The following SCN4A variants were observed in gnomAD, a reference collection of about 807,000 sequenced individuals.
The protein encoded by SCN4A is sodium voltage-gated channel alpha subunit 4.
SCN4A carries 83 observed loss-of-function variants against 162.0 expected under a neutral mutation model. That is an observed-to-expected ratio of 0.51 (90% CI 0.43 to 0.61). The LOEUF (loss-of-function observed/expected upper bound fraction) is 0.61, where lower values mean the gene tolerates loss of function less well. Among genes scored for constraint, SCN4A ranks in the 20% least tolerant of loss-of-function variants. The pLI is 0.00. For synonymous variants in SCN4A, 944 were observed against 985.1 expected (o/e 0.96, Z 0.78); for missense variants, 2,196 against 2,462.5 (o/e 0.89, Z 2.29).
chr17:63,971,119 G>A, intron 5 of SCN4A, 43 bp downstream of exon 5: 1 of 1,280,548 alleles, frequency 7.8e-7, no homozygotes, highest in Non-Finnish European at 1.1e-6. Flanking sequence ...ATGGTACGGG[G>A]GTCTCTCAGC....
intron 22 of SCN4A, 129 bp from the exon 23 acceptor site, chr17:63,943,225 A>G (rs1399930096): frequency 9.2e-7 from 1 of 1,084,346 alleles, no homozygotes; most frequent in East Asian, 2.4e-5. Context: ...AGAGAGAGAG[A>G]GAGAGAGAGA....
rs760518441 is a variant in SCN4A, at chr17:63,968,202, G to A, written c.857C>T (p.Pro286Leu). The A allele has an allele frequency of 5.4e-5, 87 of 1,613,852 alleles. No homozygotes were observed. Among genetic ancestry groups the A allele is most frequent in the Non-Finnish European group, 7.2e-5 (85 of 1,179,904 alleles). The change falls in exon 6 of 24, where the codon CCG becomes CTG. Residue 286 changes from proline (P) to leucine (L), a missense_variant. Coordinates refer to ENST00000435607, the MANE Select transcript of SCN4A (RefSeq NM_000334.4). ...LRQKCVRWPP[P>L]FNDTNTTWYS... ...CCACGTGGTGTTGGTGTCGTTGAAC[G>A]GCGGGGGCCAGCGCACACACTTCTG...
At position 63,944,569 on chromosome 17, in the gene SCN4A, G is replaced by T; in HGVS notation, c.3912+104C>A. On this transcript the variant is annotated intron_variant, in intron 21 of 23. Coordinates refer to ENST00000435607, the MANE Select transcript of SCN4A (RefSeq NM_000334.4). The surrounding 1 kb of genome is among the most constrained non-coding windows in gnomAD (Gnocchi z 4.3). ...AGCTGCCTGAACCAACAACCTGGTA[G>T]GTGCTCAGGCAGCGTTTGTGGGTTT... The T allele has an allele frequency of 7.7e-7, 1 of 1,299,062 alleles. No individual in the cohort carries two copies. The highest frequency in any genetic ancestry group is 1.1e-6 in the Non-Finnish European group (1 of 945,722). 80.5% of individuals were successfully genotyped at this position (1,299,062 alleles called of 1,614,324 possible).
intron 23 of SCN4A, 22 bp downstream of exon 23, chr17:63,942,804 C>G: frequency 1.2e-6 from 2 of 1,606,630 alleles, no homozygotes; most frequent in Non-Finnish European, 1.7e-6. Context: ...GCTGCCCTGC[C>G]GGTCCAGCCC....
At chr17:63,948,807 G>A in intron 15 of SCN4A, 42 bp from the exon 16 acceptor site, 1 of 1,546,408 alleles carries the variant, frequency 6.5e-7, no homozygotes, top group Non-Finnish European at 8.8e-7. Flanking sequence ...CCACATCATG[G>A]GCCTGGGGTT....
intron 18 of SCN4A, among the ~76,000 whole-genome samples, chr17:63,946,225 G>T (rs937006213): frequency 6.6e-6 from 1 of 152,192 alleles, no homozygotes; most frequent in African/African-American, 2.4e-5. Flanking sequence ...GGGGAGCTCT[G>T]TTCCTGGTTG....
chr17:63,945,133 C>T lies in SCN4A; in HGVS notation c.3721-73G>A, dbSNP rs746340600. 1.3e-6 allele frequency: 2 copies of T among 1,499,254 alleles called. No homozygotes were observed. The highest frequency in any genetic ancestry group is 1.2e-5 in the South Asian group (1 of 85,244). 92.9% of individuals were successfully genotyped at this position (1,499,254 alleles called of 1,614,324 possible). A position where few individuals can be genotyped will look rare whatever the true frequency, so the allele number is the denominator to read the frequency against. On this transcript the variant is annotated intron_variant, in intron 19 of 23. Transcript: ENST00000435607. The surrounding 1 kb of genome is among the most constrained non-coding windows in gnomAD (Gnocchi z 4.4). ...TCATCATCCATGAGTTTCCCTCCCCCACCCAACCTGGTCCTCCCCTGCCAG... is the reference window on the plus strand; with the variant it reads ...TCATCATCCATGAGTTTCCCTCCCCTACCCAACCTGGTCCTCCCCTGCCAG...
At position 63,972,488 on chromosome 17, in the gene SCN4A, CTG is replaced by C. The variant is rs1230300916; in HGVS notation, c.274-20_274-19del. 2 of 1,611,774 alleles carry C rather than the reference CTG, an allele frequency of 1.2e-6. No individual in the cohort carries two copies. Among genetic ancestry groups the C allele is most frequent in the African/African-American group, 1.3e-5 (1 of 74,856 alleles). On this transcript the variant is annotated intron_variant, in intron 1 of 23. Transcript: ENST00000435607. The surrounding 1 kb of genome is among the most constrained non-coding windows in gnomAD (Gnocchi z 4.3). ...ATGAAGGTCTAAGGTGGGAGAGAGG[CTG>C]TGAGACCCAGGGACAGACAGACAGG... is the stretch of plus-strand genomic sequence containing the variant.
At position 63,945,273 on chromosome 17, in the gene SCN4A, G is replaced by C. The variant is rs1343771479; in HGVS notation, c.3720+87C>G. Reference sequence around the variant, plus strand: ...AGGGTGGGCGGTCCCCTAACCAGGAGTGACACTGGGGTTGGGTACAACGAG... The same window carrying C: ...AGGGTGGGCGGTCCCCTAACCAGGACTGACACTGGGGTTGGGTACAACGAG... On this transcript the variant is annotated intron_variant, in intron 19 of 23. Coordinates refer to ENST00000435607, the MANE Select transcript of SCN4A (RefSeq NM_000334.4). This position sits in a 1 kb window ranked among gnomAD's most constrained non-coding sequence, Gnocchi z 4.4. The C allele has an allele frequency of 2.4e-6, 3 of 1,245,122 alleles. No homozygotes were observed. In the East Asian group the frequency reaches 7.2e-5, roughly 30 times the overall value. The allele number at this position is 1,245,122 out of a possible 1,614,324, so 77.1% of individuals were successfully genotyped here.
Position 63,972,507 on chromosome 17 carries a change from A to G in SCN4A, c.274-37T>C. The G allele has an allele frequency of 6.2e-7, 1 of 1,608,390 alleles. No individual in the cohort carries two copies. Among genetic ancestry groups the G allele is most frequent in the Non-Finnish European group, 8.5e-7 (1 of 1,177,130 alleles). On this transcript the variant is annotated intron_variant, in intron 1 of 23. Transcript: ENST00000435607. The surrounding 1 kb of genome is among the most constrained non-coding windows in gnomAD (Gnocchi z 4.3). ...GAGAGGCTGTGAGACCCAGGGACAG[A>G]CAGACAGGCAGACAGATGGATGGAT...
chr17:63,963,623 G>T (rs762068821), intron 10 of SCN4A, 49 bp downstream of exon 10: 2 of 1,485,282 alleles, frequency 1.3e-6, no homozygotes, highest in East Asian at 4.9e-5. Context: ...ATCCAGTCCA[G>T]CCAGGCTCCA....
rs1157823120 is a variant in SCN4A, at chr17:63,964,650, T to C, written c.1270A>G (p.Met424Val). ...LTLRAAGKTY[M>V]IFFVVIIFLG... ...AAGATGATGACCACGAAGAAGATCA[T>C]GTAGGTCTTGCCAGCTGCTCGAAGG... Residue 424 changes from methionine to valine, a missense_variant, in exon 9 of 24, where the codon ATG (methionine) becomes GTG (valine). Met to Val is a conservative substitution (Grantham distance 21, BLOSUM62 1). Coordinates refer to ENST00000435607, the MANE Select transcript of SCN4A (RefSeq NM_000334.4). 6.2e-7 allele frequency: 1 copy of C among 1,610,482 alleles called. No homozygotes were observed. Among genetic ancestry groups the C allele is most frequent in the Non-Finnish European group, 8.5e-7 (1 of 1,178,806 alleles).
chr17:63,972,720 C>T lies in SCN4A; in HGVS notation c.122G>A (p.Arg41Gln), dbSNP rs770640835. ...RAVEEEARLQRNKQMEIEEPE... is the reference protein window; with the variant it reads ...RAVEEEARLQQNKQMEIEEPE... ...CTCCTCAATCTCCATCTGCTTATTC[C>T]GCTGCAGCCGGGCCTCCTCCTCCAC... Residue 41 changes from arginine to glutamine, a missense_variant, in exon 1 of 24, where the codon CGG (arginine) becomes CAG (glutamine). Coordinates refer to ENST00000435607, the MANE Select transcript of SCN4A (RefSeq NM_000334.4). The surrounding 1 kb of genome is among the most constrained non-coding windows in gnomAD (Gnocchi z 4.3). 1.2e-5 allele frequency: 20 copies of T among 1,613,688 alleles called. No individual in the cohort carries two copies. The highest frequency in any genetic ancestry group is 5.5e-5 in the South Asian group (5 of 91,024).
At position 63,944,942 on chromosome 17, in the gene SCN4A, C is replaced by G; in HGVS notation, c.3774+65G>C. On this transcript the variant is annotated intron_variant, in intron 20 of 23. Coordinates refer to ENST00000435607, the MANE Select transcript of SCN4A (RefSeq NM_000334.4). The surrounding 1 kb of genome is among the most constrained non-coding windows in gnomAD (Gnocchi z 4.3). ...GGGGACAGAACGTGCTGCCAAGTCT[C>G]CCTCCTGTCTTGAGTCCTCTTCCCT... is the stretch of plus-strand genomic sequence containing the variant. 3.8e-6 allele frequency: 6 copies of G among 1,594,846 alleles called. No homozygotes were observed. Among genetic ancestry groups the G allele is most frequent in the Non-Finnish European group, 5.1e-6 (6 of 1,165,402 alleles).
intron 13 of SCN4A, among the ~76,000 whole-genome samples, chr17:63,952,599 C>T (rs1018824778): frequency 3.3e-5 from 5 of 152,090 alleles, no homozygotes; most frequent in Admixed American, 2.6e-4. Flanking sequence ...TTATAGACCC[C>T]GCACTCCTGG....
At chr17:63,971,699 G>A in intron 4 of SCN4A, 23 bp downstream of exon 4, 2 of 1,563,368 alleles carry the variant, frequency 1.3e-6, no homozygotes, top group Non-Finnish European at 1.7e-6. Flanking sequence ...CCAGCCTCAG[G>A]ATGTCCTGGG....
chr17:63,966,396 A>G (rs955086837), intron 7 of SCN4A, 85 bp downstream of exon 7: 12 of 1,437,756 alleles, frequency 8.3e-6, no homozygotes, highest in African/African-American at 4.2e-5. Context: ...CTGCACTCCC[A>G]TGCCCCCCAG....
In SCN4A at chr17:63,972,279, G is replaced by T; in HGVS notation, c.393-54C>A. 6.3e-7 allele frequency: 1 copy of T among 1,588,786 alleles called. No individual in the cohort carries two copies. Among genetic ancestry groups the T allele is most frequent in the Non-Finnish European group, 8.6e-7 (1 of 1,160,992 alleles). ...GCAGCTAGGATGGGAGGTGATAGAGGGTCTCCTGGGCCACAGCACCCCATC... is the reference window on the plus strand; with the variant it reads ...GCAGCTAGGATGGGAGGTGATAGAGTGTCTCCTGGGCCACAGCACCCCATC... On this transcript the variant is annotated intron_variant, in intron 2 of 23. Transcript: ENST00000435607. This position sits in a 1 kb window ranked among gnomAD's most constrained non-coding sequence, Gnocchi z 4.3.
intron 13 of SCN4A, among the ~76,000 whole-genome samples, chr17:63,955,694 C>T (rs1909052162): frequency 6.6e-6 from 1 of 152,180 alleles, no homozygotes; most frequent in African/African-American, 2.4e-5. Flanking sequence ...CTCCCCATCC[C>T]CAATCCTGCC....
Sources: gnomAD v4.1 joint callset for allele counts (sites outside exome capture counted in the v4.1 genomes callset) on GRCh38, gnomAD v4.1.1 for gene constraint, Gnocchi (gnomAD v3.1) non-coding constraint, MANE v1.5 for transcripts, NCBI Gene and HGNC (gene_info 2026-07-23, HGNC 2026-07-21) for gene names.